EIF4EBP2: variants seen among roughly 807,000 people sequenced by gnomAD.
EIF4EBP2 encodes eukaryotic translation initiation factor 4E binding protein 2, also known as eukaryotic translation initiation factor 4E-binding protein 2.
Under a neutral mutation model 10.3 loss-of-function variants are expected in EIF4EBP2, and 5 were observed. The ratio of observed to expected loss-of-function variants is 0.48; its 90% CI spans 0.25 to 1.02. EIF4EBP2 has a LOEUF of 1.02. EIF4EBP2 is among the 50% of genes least tolerant of loss of function. The pLI, the probability that EIF4EBP2 is intolerant of heterozygous loss-of-function variation, is 0.15. For synonymous variants in EIF4EBP2, 67 were observed against 61.1 expected (o/e 1.10, Z -0.45); for missense variants, 188 against 162.2 (o/e 1.16, Z -0.86).
chr10:70,407,128 G>T (rs10740346), intron 1 of EIF4EBP2, among the ~76,000 whole-genome samples: 127,647 of 145,080 alleles, frequency 0.88, 56,489 homozygotes, highest in Middle Eastern at 0.95. Context: ...TTTTTTTTTT[G>T]TTGTTGTTGA....
intron 1 of EIF4EBP2, among the ~76,000 whole-genome samples, chr10:70,408,639 T>C (rs1845009199): frequency 6.6e-6 from 1 of 152,224 alleles, no homozygotes; most frequent in African/African-American, 2.4e-5. Context: ...TAGTTTGTTA[T>C]CTGGCCACCT....
rs141317983 is a variant in EIF4EBP2 at position 70,408,949 on chromosome 10, T to TC, written c.145+4404dup. Among the ~76,000 whole-genome samples the TC allele has an allele frequency of 1.9e-3, 286 of 152,332 alleles. 6 individuals are homozygous for TC. In the East Asian group the frequency reaches 0.048, roughly 26 times the overall value. ...GGATTAACATTTCCTGCCTCAAACT[T>TC]CTAGAAATCTTCTGGAGGGTCACAT... On this transcript the variant is annotated intron_variant, in intron 1 of 2. Transcript: ENST00000373218.
rs10999326 is a variant in EIF4EBP2, at chr10:70,425,468, G to C, written c.*3721G>C. Reference sequence around the variant, plus strand: ...ATGAAAGTAGGTCAACAGGGAGGTAGGTTTAATCTAGATAAGCTGAAAGAT... The same window carrying C: ...ATGAAAGTAGGTCAACAGGGAGGTACGTTTAATCTAGATAAGCTGAAAGAT... On this transcript the variant is annotated 3_prime_UTR_variant, in exon 3 of 3. Transcript: ENST00000373218. 34,594 of 152,182 alleles carry C rather than the reference G, an allele frequency of 0.23. 4,235 individuals carry two copies. The highest frequency in any genetic ancestry group is 0.26 in the Non-Finnish European group (17,964 of 67,988). The allele number at this position is 152,182 out of a possible 1,614,324, so 9.4% of individuals were successfully genotyped here.
At position 70,404,160 on chromosome 10, in the gene EIF4EBP2, C is replaced by T. The variant is rs978403874; in HGVS notation, c.-242C>T. ...GCCTTCGCCCGCTTCCGGTCGTCGT[C>T]GTCGCCGCTGCTGCCGCTGCTGTTG... On this transcript the variant is annotated 5_prime_UTR_variant, in exon 1 of 3. Coordinates refer to ENST00000373218, the MANE Select transcript of EIF4EBP2 (RefSeq NM_004096.5). 3.9e-5 allele frequency among the ~76,000 whole-genome samples: 6 copies of T among 152,296 alleles called. No homozygotes were observed. The highest frequency in any genetic ancestry group is 1.9e-4 in the East Asian group (1 of 5,182).
At chr10:70,407,537 A>G (rs928005885) in intron 1 of EIF4EBP2, among the ~76,000 whole-genome samples, 4 of 152,106 alleles carry the variant, frequency 2.6e-5, no homozygotes, top group Non-Finnish European at 4.4e-5. Context: ...CACGGCAACC[A>G]TCCGATTTCT....
intron 1 of EIF4EBP2, among the ~76,000 whole-genome samples, chr10:70,411,674 T>TA (rs1251779712): frequency 2.0e-5 from 3 of 152,274 alleles, no homozygotes; most frequent in Admixed American, 2.0e-4. Context: ...AAGCTGGTCT[T>TA]AAACTCCTGG....
At chr10:70,404,577 G>C in intron 1 of EIF4EBP2, 31 bp downstream of exon 1, 3 of 1,512,064 alleles carry the variant, frequency 2.0e-6, no homozygotes, top group Non-Finnish European at 1.8e-6. Context: ...CGCCGCGCCC[G>C]GTGTCCCGCC....
In EIF4EBP2 at chr10:70,427,184, C is replaced by G. The variant is rs894766556; in HGVS notation, c.*5437C>G. 3.9e-5 allele frequency: 6 copies of G among 152,284 alleles called. No homozygotes were observed. The highest frequency in any genetic ancestry group is 2.1e-4 in the South Asian group (1 of 4,826). 9.4% of individuals were successfully genotyped at this position (152,284 alleles called of 1,614,324 possible). ...TGCACATGGGCAGCTATAGATTAAT[C>G]TGCAAAACCTAGTCACTTACCTACC... is the stretch of plus-strand genomic sequence containing the variant. On this transcript the variant is annotated 3_prime_UTR_variant, in exon 3 of 3. Coordinates refer to ENST00000373218, the MANE Select transcript of EIF4EBP2 (RefSeq NM_004096.5).
chr10:70,419,613 G>T (rs775893627), intron 1 of EIF4EBP2, among the ~76,000 whole-genome samples: 79 of 147,396 alleles, frequency 5.4e-4, no homozygotes, highest in Non-Finnish European at 8.2e-4. Context: ...CATGATGTGT[G>T]TAAGATGGAG....
chr10:70,418,569 T>G (rs1489207164), intron 1 of EIF4EBP2, among the ~76,000 whole-genome samples: 1 of 152,174 alleles, frequency 6.6e-6, no homozygotes, highest in African/African-American at 2.4e-5. Flanking sequence ...TTCATAATAC[T>G]GTGATTCATC....
chr10:70,404,561 GC>G lies in EIF4EBP2; in HGVS notation c.145+17del. On this transcript the variant is annotated intron_variant, in intron 1 of 2. Transcript: ENST00000373218. The stretch of plus-strand genomic sequence containing the variant: ...CACACCGGGAGGTGAGCGCCGGCCA[GC>G]CGTCCGCCGCGCCCGGTGTCCCGCC... The G allele has an allele frequency of 6.5e-7, 1 of 1,527,612 alleles. No homozygotes were observed. Among genetic ancestry groups the G allele is most frequent in the Non-Finnish European group, 8.8e-7 (1 of 1,141,856 alleles). 94.6% of individuals were successfully genotyped at this position (1,527,612 alleles called of 1,614,324 possible).
chr10:70,421,426 G>A (rs1390589321), intron 2 of EIF4EBP2, among the ~76,000 whole-genome samples: 1 of 152,166 alleles, frequency 6.6e-6, no homozygotes, highest in Admixed American at 6.5e-5. Flanking sequence ...CTGAGAGATG[G>A]CAAAGAGCTC....
chr10:70,418,804 T>C (rs1251220196), intron 1 of EIF4EBP2, among the ~76,000 whole-genome samples: 1 of 152,202 alleles, frequency 6.6e-6, no homozygotes, highest in Non-Finnish European at 1.5e-5. Context: ...CTACTTTCCT[T>C]GTCCTAAAAT....
At chr10:70,410,552 C>G (rs551285481) in intron 1 of EIF4EBP2, among the ~76,000 whole-genome samples, 2 of 152,324 alleles carry the variant, frequency 1.3e-5, no homozygotes, top group South Asian at 4.1e-4. Flanking sequence ...CATCCAGAGT[C>G]TCCATGAAGA....
Position 70,404,826 on chromosome 10 carries a change from C to T in EIF4EBP2, c.145+280C>T, listed in dbSNP as rs147598588. On this transcript the variant is annotated intron_variant, in intron 1 of 2. Coordinates refer to ENST00000373218, the MANE Select transcript of EIF4EBP2 (RefSeq NM_004096.5). Reference sequence around the variant, plus strand: ...GCAGGCTTACGCATTCGACCCAGTTCTCTCTCTCCTCTCTGCCTCCTTCCC... The same window carrying T: ...GCAGGCTTACGCATTCGACCCAGTTTTCTCTCTCCTCTCTGCCTCCTTCCC... Among the ~76,000 whole-genome samples, 7 of 152,380 alleles carry T rather than the reference C, an allele frequency of 4.6e-5. No individual in the cohort carries two copies. The South Asian group carries it at 6.2e-4, about 14-fold the overall frequency.
intron 1 of EIF4EBP2, among the ~76,000 whole-genome samples, chr10:70,413,796 A>G (rs556957909): frequency 6.6e-6 from 1 of 152,202 alleles, no homozygotes. Flanking sequence ...TTATTTTCAT[A>G]GAGAAGGAAT....
In EIF4EBP2 at chr10:70,409,187, C is replaced by T. The variant is rs200552349; in HGVS notation, c.145+4641C>T. Among the ~76,000 whole-genome samples, 14 of 152,294 alleles carry T rather than the reference C, an allele frequency of 9.2e-5. No individual in the cohort carries two copies. The East Asian group carries it at 9.6e-4, about 10-fold the overall frequency. ...GGGAAGTGAGAAGTGGGTGAAAACA[C>T]ACTTGCTGTAACCTCTTGGATTTCT... On this transcript the variant is annotated intron_variant, in intron 1 of 2. Transcript: ENST00000373218.
At chr10:70,411,743 CT>C (rs1287137977) in intron 1 of EIF4EBP2, among the ~76,000 whole-genome samples, 2 of 152,318 alleles carry the variant, frequency 1.3e-5, no homozygotes, top group Non-Finnish European at 2.9e-5. Context: ...GTGTGAGCCC[CT>C]ATGCCCAGCC....
Position 70,420,099 on chromosome 10 carries a change from G to T in EIF4EBP2, c.331G>T (p.Gly111Trp). 2 of 1,598,038 alleles carry T rather than the reference G, an allele frequency of 1.3e-6. No individual in the cohort carries two copies. Among genetic ancestry groups the T allele is most frequent in the South Asian group, 1.1e-5 (1 of 87,860 alleles). ...LNNHDRKHAVGDDAQFEMDI is the reference protein window; with the variant it reads ...LNNHDRKHAVWDDAQFEMDI ...CAATCACGACAGGAAACATGCAGTT[G>T]GTAAGAGAATGGCGATGTTGGAGAC... is the stretch of plus-strand genomic sequence containing the variant. Residue 111 changes from glycine to tryptophan, a missense_variant and splice_region_variant, in exon 2 of 3, where the codon GGG (glycine) becomes TGG (tryptophan). Transcript: ENST00000373218.
Sources: gnomAD v4.1 joint callset for allele counts (sites outside exome capture counted in the v4.1 genomes callset) on GRCh38, gnomAD v4.1.1 for gene constraint, MANE v1.5 for transcripts, NCBI Gene and HGNC (gene_info 2026-07-23, HGNC 2026-07-21) for gene names.